The following CUL2 variants were observed in gnomAD, a reference collection of about 807,000 sequenced individuals.
The protein encoded by CUL2 is cullin-2.
Under a neutral mutation model 110.2 loss-of-function variants are expected in CUL2, and 22 were observed. That is an observed-to-expected ratio of 0.20 (90% CI 0.14 to 0.28). The LOEUF is 0.28. Ranked by LOEUF, CUL2 falls within the 10% of genes least tolerant of loss-of-function variation. CUL2 has a pLI of 1.00. For missense variants in CUL2, 631 were observed against 905.5 expected, an observed-to-expected ratio of 0.70 and a Z score of 3.89; for synonymous variants, 279 against 293.2, an observed-to-expected ratio of 0.95 and a Z score of 0.49.
intron 1 of CUL2, among the ~76,000 whole-genome samples, chr10:35,073,505 A>G (rs1193529169): frequency 1.3e-5 from 2 of 152,140 alleles, no homozygotes; most frequent in African/African-American, 4.8e-5. Flanking sequence ...GCACTAGTCT[A>G]AGTACCCTGT....
At chr10:35,101,708 T>G (rs538078065) in intron 1 of CUL2, among the ~76,000 whole-genome samples, 1 of 152,336 alleles carries the variant, frequency 6.6e-6, no homozygotes, top group Admixed American at 6.5e-5. Flanking sequence ...ACTAATCTTT[T>G]GTATCATTCA....
rs527384275 is a variant in CUL2 at position 35,097,818 on chromosome 10, G to T, written c.167+3026C>A. The stretch of plus-strand genomic sequence containing the variant: ...TACCAAAAATACAAAAATTAGCCAG[G>T]CTTGGTGGTGCATGCCTGTAGTCCC... On this transcript the variant is annotated intron_variant, in intron 2 of 5. Coordinates refer to the CUL2 transcript ENST00000685421. Among the ~76,000 whole-genome samples, 4 of 152,054 alleles carry T rather than the reference G, an allele frequency of 2.6e-5. No homozygotes were observed. In the East Asian group the frequency reaches 7.7e-4, roughly 29 times the overall value.
At chr10:35,093,201 C>T (rs2135090854), upstream of CUL2, among the ~76,000 whole-genome samples, 1 of 152,146 alleles carries the variant, frequency 6.6e-6, no homozygotes, top group Non-Finnish European at 1.5e-5. Context: ...ACCCCAACCT[C>T]CAACCCAGGG....
intron 9 of CUL2, among the ~76,000 whole-genome samples, chr10:35,036,372 A>G (rs960439331): frequency 6.6e-6 from 1 of 152,174 alleles, no homozygotes; most frequent in African/African-American, 2.4e-5. Flanking sequence ...CAGTTTATGG[A>G]GCTATTACAA....
intron 17 of CUL2, among the ~76,000 whole-genome samples, chr10:35,019,307 G>A (rs2085126208): frequency 6.6e-6 from 1 of 151,968 alleles, no homozygotes; most frequent in Non-Finnish European, 1.5e-5. Flanking sequence ...AGCATTAGGA[G>A]ATCATGCGAG....
chr10:35,081,514 C>T (rs913514080), intron 1 of CUL2, among the ~76,000 whole-genome samples: 7 of 152,104 alleles, frequency 4.6e-5, no homozygotes, highest in Admixed American at 2.6e-4. Flanking sequence ...TTTCTGAGTC[C>T]TTCATGACTA....
chr10:35,017,464 T>C (rs570552692), intron 17 of CUL2, among the ~76,000 whole-genome samples: 1 of 152,074 alleles, frequency 6.6e-6, no homozygotes, highest in African/African-American at 2.4e-5. Context: ...AAGGCCGAGG[T>C]GGGCAGATCA....
intron 1 of CUL2, among the ~76,000 whole-genome samples, chr10:35,077,277 G>C (rs1426410055): frequency 6.7e-6 from 1 of 149,682 alleles, no homozygotes; most frequent in East Asian, 2.0e-4. Context: ...CTGGGCAACA[G>C]AGCAAGACTC....
intron 9 of CUL2, 35 bp downstream of exon 9, chr10:35,038,884 AT>A (rs779136015): frequency 6.9e-7 from 1 of 1,445,008 alleles, no homozygotes; most frequent in Non-Finnish European, 9.5e-7. Context: ...AGGTGGATTT[AT>A]AATTTAATTT....
intron 5 of CUL2, among the ~76,000 whole-genome samples, chr10:35,050,180 G>A (rs546351449): frequency 6.6e-6 from 1 of 152,078 alleles, no homozygotes; most frequent in Non-Finnish European, 1.5e-5. Flanking sequence ...AATGAGCCTG[G>A]TGTGGTGGCA....
At chr10:35,056,561 T>C (rs1212061400) in intron 4 of CUL2, among the ~76,000 whole-genome samples, 1 of 152,050 alleles carries the variant, frequency 6.6e-6, no homozygotes, top group Non-Finnish European at 1.5e-5. Flanking sequence ...TCCACTCCCA[T>C]TCAACATCGG....
chr10:35,103,963 C>T (rs567201314), intron 1 of CUL2, among the ~76,000 whole-genome samples: 6 of 151,954 alleles, frequency 3.9e-5, no homozygotes, highest in African/African-American at 9.6e-5. Context: ...AAATAAAAAA[C>T]GCTAGTGCCT....
rs1292233505 is a variant in CUL2, at chr10:35,031,647, AC to A, written c.1171-29del. ...CATGTAGAAATTGATAATAAATCTTACAAAGGGTGCTTCTGTATATATCACG... is the reference window on the plus strand; with the variant it reads ...CATGTAGAAATTGATAATAAATCTTAAAAGGGTGCTTCTGTATATATCACG... On this transcript the variant is annotated intron_variant, in intron 12 of 20. Transcript: ENST00000374749. This position sits in a 1 kb window ranked among gnomAD's most constrained non-coding sequence, Gnocchi z 4.4. 1 of 1,612,940 alleles carries A rather than the reference AC, an allele frequency of 6.2e-7. No individual in the cohort carries two copies. The highest frequency in any genetic ancestry group is 1.7e-5 in the Admixed American group (1 of 59,992).
chr10:35,121,758 C>T (rs186600176), intron 1 of CUL2, among the ~76,000 whole-genome samples: 1 of 149,682 alleles, frequency 6.7e-6, no homozygotes, highest in East Asian at 2.0e-4. Context: ...TACAGTGAAC[C>T]ATGATCGCAC....
At chr10:35,122,749 T>C (rs1374255412) in intron 1 of CUL2, among the ~76,000 whole-genome samples, 2 of 152,216 alleles carry the variant, frequency 1.3e-5, no homozygotes, top group Non-Finnish European at 2.9e-5. Context: ...GTGGTTCTCA[T>C]GCCTCGGGCT....
chr10:35,013,761 TC>T lies in CUL2; in HGVS notation c.1926del (p.Met642IlefsTer43). 6.4e-7 allele frequency: 1 copy of T among 1,553,020 alleles called. No individual in the cohort carries two copies. The highest frequency in any genetic ancestry group is 1.8e-5 in the Admixed American group (1 of 54,802). On this transcript the variant is annotated frameshift_variant, in exon 19 of 21. Transcript: ENST00000374749. LOFTEE classifies it high-confidence loss of function. ...AATTTTGTTCTTTTACTGCTAAAGT[TC>T]ATATTTAATGAAAACGAAGATTCTG... is the stretch of plus-strand genomic sequence containing the variant. ...IDAESSFSLNMNFSSKRTKFK... is the reference protein window; with the variant it reads ...IDAESSFSLNXNFSSKRTKFK...
In CUL2 at chr10:35,013,842, A is replaced by G. The variant is rs1193590129; in HGVS notation, c.1888-42T>C. ...AACATTTATATTTATAAAAACCAAAATCTTTAAATAAGAGTTTGCTGCAAG... is the reference window on the plus strand; with the variant it reads ...AACATTTATATTTATAAAAACCAAAGTCTTTAAATAAGAGTTTGCTGCAAG... On this transcript the variant is annotated intron_variant, in intron 18 of 20. Transcript: ENST00000374749. The G allele has an allele frequency of 1.2e-5, 15 of 1,268,800 alleles. No homozygotes were observed. The Admixed American group carries it at 4.4e-4, about 37-fold the overall frequency. The allele number at this position is 1,268,800 out of a possible 1,614,324, so 78.6% of individuals were successfully genotyped here. A position where few individuals can be genotyped will look rare whatever the true frequency, so the allele number is the denominator to read the frequency against.
At chr10:35,030,799 G>A (rs562059834) in intron 14 of CUL2, among the ~76,000 whole-genome samples, 30 of 146,860 alleles carry the variant, frequency 2.0e-4, no homozygotes, top group African/African-American at 6.3e-4. Flanking sequence ...AGGCTGAGGC[G>A]GGAGGATCGC....
intron 8 of CUL2, among the ~76,000 whole-genome samples, 161 bp downstream of exon 8, chr10:35,044,405 A>G (rs2085882050): frequency 6.6e-6 from 1 of 152,234 alleles, no homozygotes; most frequent in Admixed American, 6.5e-5. Flanking sequence ...TTATCAATCG[A>G]TATTATATAA....
Sources: allele counts gnomAD v4.1 joint callset (sites outside exome capture counted in the v4.1 genomes callset), GRCh38; gene constraint gnomAD v4.1.1; non-coding constraint Gnocchi (gnomAD v3.1); transcripts MANE v1.5; gene names NCBI Gene and HGNC (gene_info 2026-07-23, HGNC 2026-07-21).